Variants in SUB1 observed in about 807,000 individuals in gnomAD.
The protein encoded by SUB1 is SUB1 regulator of transcription.
SUB1 carries 1 observed loss-of-function variant against 16.9 expected under a neutral mutation model. That is an observed-to-expected ratio of 0.06 (90% CI 0.02 to 0.28). The LOEUF (loss-of-function observed/expected upper bound fraction) is 0.28, where lower values mean the gene tolerates loss of function less well. Ranked by LOEUF, SUB1 falls within the 10% of genes least tolerant of loss-of-function variation. SUB1 has a pLI of 1.00. For synonymous variants in SUB1, 51 were observed against 46.9 expected, an observed-to-expected ratio of 1.09 and a Z score of -0.36; for missense variants, 84 against 145.2, an observed-to-expected ratio of 0.58 and a Z score of 2.16.
chr5:32,587,756 G>A (rs906058910), intron 1 of SUB1, among the ~76,000 whole-genome samples: 11 of 152,024 alleles, frequency 7.2e-5, no homozygotes, highest in Admixed American at 3.3e-4. Flanking sequence ...GACTACAGGT[G>A]TGCCACCGTG....
In SUB1 at chr5:32,602,960, A is replaced by G. The variant is rs1739152625; in HGVS notation, c.*1876A>G. 1 of 152,096 alleles carries G rather than the reference A, an allele frequency of 6.6e-6. No individual in the cohort carries two copies. Among genetic ancestry groups the G allele is most frequent in the African/African-American group, 2.4e-5 (1 of 41,434 alleles). 9.4% of individuals were successfully genotyped at this position (152,096 alleles called of 1,614,324 possible). On this transcript the variant is annotated 3_prime_UTR_variant, in exon 5 of 5. Coordinates refer to ENST00000265073, the MANE Select transcript of SUB1 (RefSeq NM_006713.4). ...ACGGAAAGGGTAGTTCGAGTACAGAACTTTGATTTTTGGTGTAGATGCAGA... is the reference window on the plus strand; with the variant it reads ...ACGGAAAGGGTAGTTCGAGTACAGAGCTTTGATTTTTGGTGTAGATGCAGA...
In SUB1 at chr5:32,591,698, ATTTTT is replaced by A. The variant is rs567336710; in HGVS notation, c.195+29_195+33del. 951 of 1,380,890 alleles carry A rather than the reference ATTTTT, an allele frequency of 6.9e-4. No homozygotes were observed. Among genetic ancestry groups the A allele is most frequent in the South Asian group, 1.8e-3 (110 of 60,884 alleles). The allele number at this position is 1,380,890 out of a possible 1,614,324, so 85.5% of individuals were successfully genotyped here. ...TAACATGTTTCAGGTAAAGTTGGCTATTTTTTTTTTTTTTTTTTTTGACATGGAGT... is the reference window on the plus strand; with the variant it reads ...TAACATGTTTCAGGTAAAGTTGGCTATTTTTTTTTTTTTTTGACATGGAGT... On this transcript the variant is annotated intron_variant, in intron 3 of 4. Transcript: ENST00000265073.
chr5:32,591,775 A>C, intron 3 of SUB1, 90 bp downstream of exon 3: 11 of 1,380,526 alleles, frequency 8.0e-6, no homozygotes, highest in African/African-American at 1.6e-5. Context: ...ATCTCGGCTC[A>C]CTGCAACCTC....
chr5:32,587,967 C>T (rs187818955), intron 1 of SUB1, among the ~76,000 whole-genome samples: 1 of 151,882 alleles, frequency 6.6e-6, no homozygotes, highest in African/African-American at 2.4e-5. Context: ...TTTGGTGATA[C>T]GGCCAAAAAG....
intron 3 of SUB1, chr5:32,594,952 T>A (rs2111672406): frequency 6.4e-6 from 1 of 155,068 alleles, no homozygotes; most frequent in Middle Eastern, 3.4e-3. Context: ...CTTTATGATG[T>A]ATATGCTATT....
intron 1 of SUB1, chr5:32,585,933 C>CGCGGCGTCCCCGGGACAATGCG (rs1273799088): frequency 6.6e-6 from 1 of 152,566 alleles, no homozygotes; most frequent in African/African-American, 2.4e-5. Context: ...GGGAGAGAGT[C>CGCGGCGTCCCCGGGACAATGCG]GCGGCGTCCC....
chr5:32,588,390 C>A, intron 1 of SUB1, 122 bp from the exon 2 acceptor site: 1 of 861,192 alleles, frequency 1.2e-6, no homozygotes, highest in Non-Finnish European at 1.8e-6. Context: ...AACTCAGTAC[C>A]ACAAAAATGG....
chr5:32,594,987 G>A (rs1359435877), intron 3 of SUB1: 3 of 153,318 alleles, frequency 2.0e-5, no homozygotes, highest in African/African-American at 4.8e-5. Context: ...TCCAGATTTT[G>A]TGGATATAAA....
intron 1 of SUB1, among the ~76,000 whole-genome samples, chr5:32,587,083 A>G (rs1738691677): frequency 6.6e-6 from 1 of 152,208 alleles, no homozygotes; most frequent in African/African-American, 2.4e-5. Flanking sequence ...TAACGCATAC[A>G]GAAATTAGCT....
intron 2 of SUB1, 124 bp downstream of exon 2, chr5:32,588,708 A>C: frequency 4.7e-5 from 43 of 919,002 alleles, no homozygotes; most frequent in Non-Finnish European, 6.3e-5. Flanking sequence ...GCGGTGGCTC[A>C]TGCCTGTTAT....
chr5:32,590,621 G>A (rs1244479566), intron 2 of SUB1, among the ~76,000 whole-genome samples: 2 of 151,088 alleles, frequency 1.3e-5, no homozygotes, highest in African/African-American at 4.9e-5. Context: ...TTGAGATGAA[G>A]TTTTGCTTTT....
At chr5:32,590,762 A>ATTT (rs70961652) in intron 2 of SUB1, among the ~76,000 whole-genome samples, 1,419 of 33,918 alleles carry the variant, frequency 0.042, 285 homozygotes, top group African/African-American at 0.11. Flanking sequence ...CGCCTGGCTA[A>ATTT]TTTTTTTTTT....
chr5:32,600,221 TA>T (rs1739082436), intron 4 of SUB1, among the ~76,000 whole-genome samples: 1 of 152,350 alleles, frequency 6.6e-6, no homozygotes, highest in African/African-American at 2.4e-5. Flanking sequence ...GTTACCCGGG[TA>T]TACTCTCTGA....
At position 32,598,820 on chromosome 5, in the gene SUB1, C is replaced by CCAA. The variant is rs2111683302; in HGVS notation, c.196-139_196-138insACA. ...TAAGTGGGACCTGCACAGTTCAGAG[C>CCAA]CATGTTGTTCAAGGGTCAGCAGTAG... On this transcript the variant is annotated intron_variant, in intron 3 of 4. Coordinates refer to ENST00000265073, the MANE Select transcript of SUB1 (RefSeq NM_006713.4). 6.2e-6 allele frequency: 4 copies of CCAA among 642,012 alleles called. No homozygotes were observed. The East Asian group carries it at 1.1e-4, about 18-fold the overall frequency. 39.8% of individuals were successfully genotyped at this position (642,012 alleles called of 1,614,324 possible).
intron 2 of SUB1, among the ~76,000 whole-genome samples, chr5:32,589,528 A>G (rs909607165): frequency 7.2e-5 from 11 of 152,236 alleles, no homozygotes; most frequent in African/African-American, 2.4e-4. Context: ...ATCAGCACGC[A>G]GTAAAGCTAA....
rs1437954308 is a variant in SUB1, at chr5:32,593,726, C to T, written c.195+2041C>T. On this transcript the variant is annotated intron_variant, in intron 3 of 4. Transcript: ENST00000265073. ...TTTTTTTTTTTGAGACGGAGTCTCG[C>T]TCTGTCACCAGGCTGGAGTGCAGTA... Among the ~76,000 whole-genome samples the T allele has an allele frequency of 2.0e-5, 3 of 151,756 alleles. No homozygotes were observed. The East Asian group carries it at 5.8e-4, about 29-fold the overall frequency.
At chr5:32,592,944 G>A (rs1738867181) in intron 3 of SUB1, among the ~76,000 whole-genome samples, 1 of 152,170 alleles carries the variant, frequency 6.6e-6, no homozygotes, top group Admixed American at 6.5e-5. Flanking sequence ...AGTAATGGGA[G>A]CAAGAAAAGG....
At chr5:32,594,969 T>C (rs1738921962) in intron 3 of SUB1, 1 of 153,820 alleles carries the variant, frequency 6.5e-6, no homozygotes, top group South Asian at 2.0e-4. Flanking sequence ...TATTTTTTGC[T>C]GCTAATCTCC....
Position 32,601,191 on chromosome 5 carries a change from T to G in SUB1, c.*107T>G. 3 of 874,142 alleles carry G rather than the reference T, an allele frequency of 3.4e-6. No individual in the cohort carries two copies. Among genetic ancestry groups the G allele is most frequent in the Admixed American group, 5.5e-5 (2 of 36,104 alleles). The allele number at this position is 874,142 out of a possible 1,614,324, so 54.1% of individuals were successfully genotyped here. A position where few individuals can be genotyped will look rare whatever the true frequency, so the allele number is the denominator to read the frequency against. ...TTCTCCAAGCTATTGTATGTTTGGATTGCAGAAGAATTTGTAAGATGAATA... is the reference window on the plus strand; with the variant it reads ...TTCTCCAAGCTATTGTATGTTTGGAGTGCAGAAGAATTTGTAAGATGAATA... On this transcript the variant is annotated 3_prime_UTR_variant, in exon 5 of 5. Coordinates refer to ENST00000265073, the MANE Select transcript of SUB1 (RefSeq NM_006713.4).
Sources: gnomAD v4.1 joint callset for allele counts (sites outside exome capture counted in the v4.1 genomes callset) on GRCh38, gnomAD v4.1.1 for gene constraint, MANE v1.5 for transcripts, NCBI Gene and HGNC (gene_info 2026-07-23, HGNC 2026-07-21) for gene names.